Variants in RP2 observed in about 807,000 individuals in gnomAD.
RP2 encodes the protein RP2 activator of ARL3 GTPase, also known as protein XRP2.
Under a neutral mutation model 20.3 loss-of-function variants are expected in RP2, and 3 were observed. That is an observed-to-expected ratio of 0.15 (90% CI 0.07 to 0.38). The LOEUF is 0.38. Ranked by LOEUF, RP2 falls within the 10% of genes least tolerant of loss-of-function variation. The probability of loss-of-function intolerance (pLI) is 1.00; values close to 1 mark genes in which losing one functional copy is unlikely to be tolerated. For missense variants in RP2, 233 were observed against 268.5 expected (o/e 0.87, Z 0.92); for synonymous variants, 75 against 94.8 (o/e 0.79, Z 1.22).
intron 3 of RP2, among the ~76,000 whole-genome samples, chrX:46,865,883 G>C (rs1556322292): frequency 9.2e-6 from 1 of 109,037 alleles, no homozygotes; most frequent in African/African-American, 3.3e-5. Flanking sequence ...AGCCAAGATT[G>C]CCACCGCAGT....
At chrX:46,843,926 G>A (rs1170612998) in intron 1 of RP2, among the ~76,000 whole-genome samples, 4 of 110,381 alleles carry the variant, frequency 3.6e-5, no homozygotes, top group East Asian at 2.8e-4. Flanking sequence ...CTCCCACCTC[G>A]GCCTCCCAAA....
At chrX:46,847,824 A>C (rs192137657) in intron 1 of RP2, among the ~76,000 whole-genome samples, 3 of 88,395 alleles carry the variant, frequency 3.4e-5, no homozygotes, top group African/African-American at 1.3e-4. Context: ...ATATATGTGT[A>C]TATGTGTATA....
At chrX:46,837,238 C>G in intron 1 of RP2, 36 bp downstream of exon 1, 1 of 1,136,082 alleles carries the variant, frequency 8.8e-7, no homozygotes, top group Non-Finnish European at 1.2e-6. Flanking sequence ...CTCAGCCTCC[C>G]TGAGCCGCTC....
chrX:46,879,752 A>G lies in RP2; in HGVS notation c.1036A>G (p.Ile346Val). 8.4e-7 allele frequency: 1 copy of G among 1,190,656 alleles called. No homozygotes were observed. The highest frequency in any genetic ancestry group is 1.1e-6 in the Non-Finnish European group (1 of 877,721). ...DVDSFYNFAD[I>V]QMGI The stretch of plus-strand genomic sequence containing the variant: ...AGACAGCTTCTACAACTTTGCTGAT[A>G]TACAGATGGGAATATGAAGTGCAAT... Residue 346 changes from isoleucine to valine, a missense_variant, in exon 5 of 5, where the codon ATA becomes GTA. Ile to Val is a conservative substitution (Grantham distance 29, BLOSUM62 3). Transcript: ENST00000218340.
intron 3 of RP2, among the ~76,000 whole-genome samples, chrX:46,876,630 A>C (rs1925377406): frequency 9.0e-6 from 1 of 111,344 alleles, no homozygotes; most frequent in Non-Finnish European, 1.9e-5. Context: ...TCCAAGAAAA[A>C]AAAAATCACA....
At chrX:46,847,788 ATG>A (rs1491013750) in intron 1 of RP2, among the ~76,000 whole-genome samples, 144 of 58,633 alleles carry the variant, frequency 2.5e-3, no homozygotes, top group Middle Eastern at 0.014. Context: ...ACATACACAC[ATG>A]TGTGTGTGTA....
Position 46,853,826 on chromosome X carries a change from C to T in RP2, c.453C>T (p.Tyr151=). The T allele has an allele frequency of 8.3e-7, 1 of 1,211,777 alleles. No individual in the cohort carries two copies. The highest frequency in any genetic ancestry group is 1.1e-6 in the Non-Finnish European group (1 of 895,421). Residue 151 remains tyrosine (Y), a synonymous_variant, in exon 2 of 5, where the codon TAC becomes TAT. Transcript: ENST00000218340. ...SNIKFGCFQW[Y]YPELAFQFKD... ...TCAAATTTGGATGTTTTCAATGGTA[C>T]TATCCTGAATTAGCTTTCCAGTTCA...
intron 3 of RP2, among the ~76,000 whole-genome samples, chrX:46,873,802 C>G (rs1925328917): frequency 9.0e-6 from 1 of 110,822 alleles, no homozygotes; most frequent in South Asian, 3.8e-4. Flanking sequence ...ACTAGAGAGC[C>G]TCACCTGGCT....
chrX:46,840,037 G>T (rs1275084909), intron 1 of RP2, among the ~76,000 whole-genome samples: 1 of 112,132 alleles, frequency 8.9e-6, no homozygotes, highest in East Asian at 2.8e-4. Context: ...GAATGCAGTG[G>T]CGCGATCTCG....
At chrX:46,870,440 T>G (rs1007311520) in intron 3 of RP2, among the ~76,000 whole-genome samples, 1 of 109,565 alleles carries the variant, frequency 9.1e-6, no homozygotes, top group Non-Finnish European at 1.9e-5. Context: ...TGTTGTAGAG[T>G]TGGGGTCTTG....
intron 1 of RP2, among the ~76,000 whole-genome samples, chrX:46,849,810 A>C (rs1413089813): frequency 2.7e-5 from 3 of 111,813 alleles, no homozygotes; most frequent in Non-Finnish European, 5.6e-5. Context: ...ATGTTTGTCA[A>C]ATTCATATGT....
chrX:46,859,766 C>A (rs1925032409), intron 2 of RP2, among the ~76,000 whole-genome samples: 1 of 111,220 alleles, frequency 9.0e-6, no homozygotes, highest in Non-Finnish European at 1.9e-5. Context: ...TTTATTTGAC[C>A]CTTAACCTTA....
At chrX:46,877,152 T>A (rs1243795803) in intron 3 of RP2, among the ~76,000 whole-genome samples, 1 of 112,301 alleles carries the variant, frequency 8.9e-6, no homozygotes, top group Non-Finnish European at 1.9e-5. Context: ...GGATTGCTTT[T>A]GATCTTATTT....
chrX:46,845,527 C>G (rs1236643458), intron 1 of RP2, among the ~76,000 whole-genome samples: 2 of 111,543 alleles, frequency 1.8e-5, no homozygotes, highest in Non-Finnish European at 3.8e-5. Context: ...AGTTGTGGAG[C>G]TATCACCAAT....
chrX:46,880,409 C>G lies in RP2; in HGVS notation c.*640C>G, dbSNP rs1159102110. The G allele has an allele frequency of 2.7e-5, 3 of 112,199 alleles. No individual in the cohort carries two copies. The highest frequency in any genetic ancestry group is 5.6e-5 in the Non-Finnish European group (3 of 53,145). The allele number at this position is 112,199 out of a possible 1,213,427, so 9.2% of individuals were successfully genotyped here. A position where few individuals can be genotyped will look rare whatever the true frequency, so the allele number is the denominator to read the frequency against. ...TGTTGGTATAGCTATTTAAAGACTA[C>G]TTCGTAAGTAGTATGATTATTTGAA... is the stretch of plus-strand genomic sequence containing the variant. On this transcript the variant is annotated 3_prime_UTR_variant, in exon 5 of 5. Coordinates refer to ENST00000218340, the MANE Select transcript of RP2 (RefSeq NM_006915.3).
intron 1 of RP2, among the ~76,000 whole-genome samples, chrX:46,841,332 C>T (rs1924618887): frequency 8.9e-6 from 1 of 112,119 alleles, no homozygotes; most frequent in African/African-American, 3.2e-5. Flanking sequence ...ATTCTAGTTA[C>T]CCATTGCTGT....
At chrX:46,854,188 T>A in intron 2 of RP2, 47 bp downstream of exon 2, 1 of 1,113,113 alleles carries the variant, frequency 9.0e-7, no homozygotes, top group South Asian at 1.9e-5. Context: ...GATTTAAAAA[T>A]GTACCACTCT....
At chrX:46,869,970 C>T (rs973335731) in intron 3 of RP2, among the ~76,000 whole-genome samples, 1 of 111,909 alleles carries the variant, frequency 8.9e-6, no homozygotes, top group African/African-American at 3.2e-5. Context: ...ACTGTTGATT[C>T]GTTAACATTG....
Position 46,847,836 on chromosome X carries a change from A to G in RP2, c.103-5640A>G, listed in dbSNP as rs183521105. The stretch of plus-strand genomic sequence containing the variant: ...CACATATATGTGTATATGTGTATAT[A>G]TGTGTGTATATATGTGTATATATGT... On this transcript the variant is annotated intron_variant, in intron 1 of 4. Transcript: ENST00000218340. Among the ~76,000 whole-genome samples the G allele has an allele frequency of 2.9e-4, 29 of 98,825 alleles. No individual in the cohort carries two copies. The East Asian group carries it at 8.1e-3, about 28-fold the overall frequency. 85.8% of individuals were successfully genotyped at this position (98,825 alleles called of 115,157 possible).
Sources: gnomAD v4.1 joint callset for allele counts (sites outside exome capture counted in the v4.1 genomes callset) on GRCh38, gnomAD v4.1.1 for gene constraint, MANE v1.5 for transcripts, NCBI Gene and HGNC (gene_info 2026-07-23, HGNC 2026-07-21) for gene names.